The following CABLES1 variants were observed in gnomAD, a reference collection of about 807,000 sequenced individuals.
The protein encoded by CABLES1 is Cdk5 and Abl enzyme substrate 1.
In CABLES1, 36 loss-of-function variants were observed where a neutral mutation model predicts 57.8. The ratio of observed to expected loss-of-function variants is 0.62; its 90% CI spans 0.48 to 0.82. CABLES1 has a LOEUF of 0.82. Among genes scored for constraint, CABLES1 ranks in the 40% least tolerant of loss-of-function variants. The probability of loss-of-function intolerance (pLI) is 0.00; values close to 1 mark genes in which losing one functional copy is unlikely to be tolerated. For synonymous variants in CABLES1, 374 were observed against 363.0 expected, an observed-to-expected ratio of 1.03 and a Z score of -0.35; for missense variants, 767 against 836.6, an observed-to-expected ratio of 0.92 and a Z score of 1.03.
intron 1 of CABLES1, among the ~76,000 whole-genome samples, chr18:23,149,234 C>T (rs1192926354): frequency 6.6e-6 from 1 of 151,972 alleles, no homozygotes; most frequent in African/African-American, 2.4e-5. Context: ...TCCTAATTGT[C>T]TCTTCAGATA....
chr18:23,178,948 G>A (rs2047144235), intron 1 of CABLES1, among the ~76,000 whole-genome samples: 1 of 151,774 alleles, frequency 6.6e-6, no homozygotes, highest in Non-Finnish European at 1.5e-5. Context: ...TTTGGTTTTT[G>A]CCTGATTCAT....
intron 2 of CABLES1, among the ~76,000 whole-genome samples, chr18:23,189,671 C>T (rs898264608): frequency 6.6e-6 from 1 of 152,216 alleles, no homozygotes; most frequent in Non-Finnish European, 1.5e-5. Flanking sequence ...GAGGTGAGCT[C>T]CTGTGGACTT....
In CABLES1 at chr18:23,252,085, CAAA is replaced by C. The variant is rs1000418698; in HGVS notation, c.1447-862_1447-860del. 2.1e-4 allele frequency among the ~76,000 whole-genome samples: 15 copies of C among 72,284 alleles called. No individual in the cohort carries two copies. The East Asian group carries it at 4.4e-3, about 21-fold the overall frequency. 47.4% of individuals were successfully genotyped at this position (72,284 alleles called of 152,430 possible). ...TGGGCAACAAAGTGAGACTCCGTCT[CAAA>C]AAAAAAAAAAAAGACTCCATGCTAA... On this transcript the variant is annotated intron_variant, in intron 7 of 9. Transcript: ENST00000256925.
intron 7 of CABLES1, among the ~76,000 whole-genome samples, chr18:23,241,295 G>A (rs536008275): frequency 6.6e-5 from 10 of 152,176 alleles, no homozygotes; most frequent in African/African-American, 2.4e-4. Flanking sequence ...GCCGAGGTGG[G>A]TAAGGTGGGG....
chr18:23,172,106 T>C (rs1035862278), intron 1 of CABLES1, among the ~76,000 whole-genome samples: 3 of 152,162 alleles, frequency 2.0e-5, no homozygotes, highest in African/African-American at 7.2e-5. Context: ...GTATTTTTTG[T>C]AGAGGTGGGA....
intron 3 of CABLES1, among the ~76,000 whole-genome samples, chr18:23,207,519 G>A (rs943761369): frequency 8.5e-5 from 13 of 152,134 alleles, no homozygotes. Context: ...TTCTTCCTGT[G>A]TGTTCAGTAG....
intron 1 of CABLES1, among the ~76,000 whole-genome samples, chr18:23,179,276 C>A (rs558142194): frequency 2.2e-4 from 34 of 152,070 alleles, no homozygotes; most frequent in Non-Finnish European, 4.1e-4. Context: ...ACAGAGACTC[C>A]GTCTAAAAAA....
chr18:23,257,052 C>G, intron 9 of CABLES1, 175 bp from the exon 10 acceptor site: 3 of 660,662 alleles, frequency 4.5e-6, no homozygotes, highest in Non-Finnish European at 7.5e-6. Context: ...CCTTCACAAC[C>G]AGGACCGAAG....
At chr18:23,197,079 G>T (rs1170579758) in intron 3 of CABLES1, 1 of 152,266 alleles carries the variant, frequency 6.6e-6, no homozygotes, top group Non-Finnish European at 1.5e-5. Flanking sequence ...CCTCTGTTGT[G>T]ATACTCACGT....
In CABLES1 at chr18:23,236,027, G is replaced by A. The variant is rs768490950; in HGVS notation, c.1318G>A (p.Gly440Ser). 9.3e-6 allele frequency: 15 copies of A among 1,614,146 alleles called. No homozygotes were observed. Among genetic ancestry groups the A allele is most frequent in the African/African-American group, 1.3e-5 (1 of 75,056 alleles). Reference sequence around the variant, plus strand: ...CAGCCTCTCCATAGGCCGGGCAAGCGGCACCCAGGGGAGCCTCGACACAGG... The same window carrying A: ...CAGCCTCTCCATAGGCCGGGCAAGCAGCACCCAGGGGAGCCTCGACACAGG... ...HRSLSIGRAS[G>S]TQGSLDTGSD... Residue 440 changes from glycine (G) to serine (S), a missense_variant, in exon 6 of 10, where the codon GGC becomes AGC. Transcript: ENST00000256925.
intron 7 of CABLES1, among the ~76,000 whole-genome samples, chr18:23,249,493 C>A (rs572962387): frequency 6.6e-6 from 1 of 152,166 alleles, no homozygotes; most frequent in African/African-American, 2.4e-5. Context: ...GGTGCAGGTG[C>A]GAGGCCCCAC....
chr18:23,252,166 C>A (rs71360514), intron 7 of CABLES1, among the ~76,000 whole-genome samples: 7 of 151,484 alleles, frequency 4.6e-5, no homozygotes, highest in African/African-American at 1.7e-4. Flanking sequence ...TTACATAAGG[C>A]AAATTTATAG....
Position 23,258,409 on chromosome 18 carries a change from G to A in CABLES1, c.*1042G>A, listed in dbSNP as rs11708. Reference sequence around the variant, plus strand: ...GCGTTTGCCAGCTGGGACAAACTGCGTTTGGAGCTGTGGTTAAGCTGACTA... The same window carrying A: ...GCGTTTGCCAGCTGGGACAAACTGCATTTGGAGCTGTGGTTAAGCTGACTA... On this transcript the variant is annotated 3_prime_UTR_variant, in exon 10 of 10. Coordinates refer to ENST00000256925, the MANE Select transcript of CABLES1 (RefSeq NM_001100619.3). 0.013 allele frequency: 1,936 copies of A among 152,424 alleles called. 24 individuals carry two copies. Among genetic ancestry groups the A allele is most frequent in the Non-Finnish European group, 0.02 (1,364 of 68,030 alleles). The allele number at this position is 152,424 out of a possible 1,614,324, so 9.4% of individuals were successfully genotyped here.
In CABLES1 at chr18:23,168,302, GAC is replaced by G. The variant is rs2047057743; in HGVS notation, c.846-20532_846-20531del. Among the ~76,000 whole-genome samples the G allele has an allele frequency of 1.3e-5, 2 of 152,226 alleles. 1 individual carries two copies. The highest frequency in any genetic ancestry group is 4.1e-4 in the South Asian group (2 of 4,826). ...TAGCCTTAAAAAGGAAAGAAATTCT[GAC>G]ACATGCAGCAACGCAGATGAACCTT... On this transcript the variant is annotated intron_variant, in intron 1 of 9. Coordinates refer to ENST00000256925, the MANE Select transcript of CABLES1 (RefSeq NM_001100619.3).
At chr18:23,205,912 G>A (rs924136706) in intron 3 of CABLES1, among the ~76,000 whole-genome samples, 4 of 152,134 alleles carry the variant, frequency 2.6e-5, no homozygotes, top group Non-Finnish European at 4.4e-5. Flanking sequence ...AATGCTGTGT[G>A]AAGATTGGAG....
At chr18:23,170,113 A>C (rs115510165) in intron 1 of CABLES1, among the ~76,000 whole-genome samples, 1 of 152,064 alleles carries the variant, frequency 6.6e-6, no homozygotes, top group Non-Finnish European at 1.5e-5. Flanking sequence ...TGTTATCCAT[A>C]TCTTCCATCC....
intron 7 of CABLES1, among the ~76,000 whole-genome samples, chr18:23,251,519 C>T (rs527428951): frequency 1.3e-5 from 2 of 152,100 alleles, no homozygotes; most frequent in East Asian, 1.9e-4. Flanking sequence ...AGTATACTCT[C>T]GAGGAGGGAT....
At chr18:23,147,064 G>C (rs1296432483) in intron 1 of CABLES1, among the ~76,000 whole-genome samples, 19 of 152,240 alleles carry the variant, frequency 1.2e-4, no homozygotes, top group Non-Finnish European at 2.9e-5. Context: ...CGAGCATGCT[G>C]ATTTTCACGT....
At chr18:23,184,238 T>C (rs2145009134) in intron 1 of CABLES1, among the ~76,000 whole-genome samples, 1 of 152,032 alleles carries the variant, frequency 6.6e-6, no homozygotes, top group East Asian at 1.9e-4. Context: ...TGGGCGTGGA[T>C]TTTTTCCCCT....
Sources: gnomAD v4.1 joint callset for allele counts (sites outside exome capture counted in the v4.1 genomes callset) on GRCh38, gnomAD v4.1.1 for gene constraint, MANE v1.5 for transcripts, NCBI Gene and HGNC (gene_info 2026-07-23, HGNC 2026-07-21) for gene names.